Variants in KCNH5 observed in about 807,000 individuals in gnomAD.
KCNH5 encodes voltage-gated delayed rectifier potassium channel KCNH5.
A neutral mutation model predicts 96.1 loss-of-function variants in KCNH5; 46 were observed. The ratio of observed to expected loss-of-function variants is 0.48; its 90% confidence interval spans 0.38 to 0.61. KCNH5 has a LOEUF of 0.61. Among genes scored for constraint, KCNH5 ranks in the 20% least tolerant of loss-of-function variants. The pLI, the probability that KCNH5 is intolerant of heterozygous loss-of-function variation, is 0.00. For synonymous variants in KCNH5, 439 were observed against 449.8 expected (o/e 0.98, Z 0.30); for missense variants, 907 against 1,225.8 (o/e 0.74, Z 3.88).
At chr14:62,923,824 T>C (rs1197484978) in intron 7 of KCNH5, among the ~76,000 whole-genome samples, 1 of 151,938 alleles carries the variant, frequency 6.6e-6, no homozygotes, top group African/African-American at 2.4e-5. Flanking sequence ...CCACTCAAAA[T>C]GGATTAAATA....
At chr14:62,829,483 T>C (rs556159119) in intron 8 of KCNH5, among the ~76,000 whole-genome samples, 62 of 152,344 alleles carry the variant, frequency 4.1e-4, no homozygotes, top group African/African-American at 1.5e-3. Flanking sequence ...TTGTCTTATG[T>C]GCACCCACAG....
At chr14:63,023,060 G>A (rs866879057) in intron 1 of KCNH5, among the ~76,000 whole-genome samples, 24 of 151,888 alleles carry the variant, frequency 1.6e-4, no homozygotes, top group East Asian at 1.2e-3. Context: ...AAAATTAGCC[G>A]GGCATAATGA....
intron 7 of KCNH5, among the ~76,000 whole-genome samples, chr14:62,859,167 AAG>A (rs1887985904): frequency 6.6e-6 from 1 of 152,130 alleles, no homozygotes; most frequent in Admixed American, 6.5e-5. Context: ...TCCATGATGG[AAG>A]AGTTCCAATA....
intron 6 of KCNH5, among the ~76,000 whole-genome samples, chr14:62,961,994 CAGATGG>C: frequency 7.3e-6 from 1 of 136,286 alleles, no homozygotes; most frequent in Admixed American, 7.3e-5. Flanking sequence ...GATGCAGATG[CAGATGG>C]AGATGCAGAT....
chr14:62,888,829 GA>G (rs541785549), intron 7 of KCNH5, among the ~76,000 whole-genome samples: 72 of 152,232 alleles, frequency 4.7e-4, no homozygotes, highest in African/African-American at 1.7e-3. Context: ...TAATATCACA[GA>G]AAAGGTCACT....
chr14:62,937,113 G>A (rs778990187), intron 7 of KCNH5, among the ~76,000 whole-genome samples: 1 of 151,930 alleles, frequency 6.6e-6, no homozygotes, highest in African/African-American at 2.4e-5. Context: ...TGCTAGAATC[G>A]TATATGTGAC....
chr14:62,768,815 A>G (rs552349296), intron 10 of KCNH5, among the ~76,000 whole-genome samples: 1 of 152,314 alleles, frequency 6.6e-6, no homozygotes, highest in African/African-American at 2.4e-5. Context: ...TCCAGCCCCA[A>G]CTTTGAAACT....
At chr14:62,939,460 T>TTTCTG (rs1363376914) in intron 7 of KCNH5, among the ~76,000 whole-genome samples, 1 of 152,140 alleles carries the variant, frequency 6.6e-6, no homozygotes, top group Non-Finnish European at 1.5e-5. Context: ...AACATTTCCA[T>TTTCTG]CAGAATAACC....
intron 6 of KCNH5, among the ~76,000 whole-genome samples, chr14:62,962,369 G>A (rs1433586198): frequency 6.6e-6 from 1 of 152,098 alleles, no homozygotes; most frequent in African/African-American, 2.4e-5. Context: ...CACTATCTCT[G>A]ATGCAATAGC....
intron 1 of KCNH5, among the ~76,000 whole-genome samples, chr14:63,028,866 A>C (rs545278835): frequency 4.6e-4 from 70 of 152,292 alleles, no homozygotes; most frequent in African/African-American, 1.6e-3. Flanking sequence ...TATACCCTAA[A>C]GTATTTGCTC....
chr14:62,979,719 C>T (rs1433037162), intron 6 of KCNH5, among the ~76,000 whole-genome samples: 1 of 152,054 alleles, frequency 6.6e-6, no homozygotes, highest in Non-Finnish European at 1.5e-5. Flanking sequence ...ATTGAAATTA[C>T]TGGTTGTATC....
At chr14:62,789,883 T>TGTA (rs1415749351) in intron 9 of KCNH5, among the ~76,000 whole-genome samples, 2 of 151,970 alleles carry the variant, frequency 1.3e-5, no homozygotes, top group African/African-American at 4.8e-5. Flanking sequence ...TTTCCCTTGC[T>TGTA]GTACAGAAAC....
chr14:63,027,938 T>A (rs141228377), intron 1 of KCNH5, among the ~76,000 whole-genome samples: 1 of 151,970 alleles, frequency 6.6e-6, no homozygotes, highest in Non-Finnish European at 1.5e-5. Flanking sequence ...ATTGAAAAAA[T>A]TTCTCAGACT....
At chr14:62,826,386 G>GT (rs1007328643) in intron 8 of KCNH5, among the ~76,000 whole-genome samples, 5 of 139,050 alleles carry the variant, frequency 3.6e-5, no homozygotes, top group African/African-American at 1.4e-4. Context: ...GAGATTTTGT[G>GT]TGTGTGTGTG....
intron 10 of KCNH5, among the ~76,000 whole-genome samples, chr14:62,771,493 C>T (rs1006943830): frequency 6.6e-6 from 1 of 152,146 alleles, no homozygotes; most frequent in Non-Finnish European, 1.5e-5. Context: ...GGCATGGTGG[C>T]AGGCGCCTGT....
chr14:62,790,918 A>C (rs1161901436), intron 9 of KCNH5, among the ~76,000 whole-genome samples: 1 of 151,844 alleles, frequency 6.6e-6, no homozygotes, highest in Non-Finnish European at 1.5e-5. Flanking sequence ...GTCATCTACA[A>C]ACAGAGATAA....
chr14:62,908,062 T>C (rs139977529), intron 7 of KCNH5, among the ~76,000 whole-genome samples: 85 of 152,342 alleles, frequency 5.6e-4, no homozygotes, highest in African/African-American at 1.8e-3. Flanking sequence ...CATAATTATG[T>C]ATACATACTA....
At chr14:62,991,214 A>C (rs982352059) in intron 4 of KCNH5, among the ~76,000 whole-genome samples, 4 of 152,108 alleles carry the variant, frequency 2.6e-5, no homozygotes, top group Non-Finnish European at 4.4e-5. Flanking sequence ...CAGCATCTGC[A>C]TTATATGTAA....
chr14:62,739,310 A>AC (rs2139932963), intron 10 of KCNH5, among the ~76,000 whole-genome samples: 1 of 152,266 alleles, frequency 6.6e-6, no homozygotes, highest in Non-Finnish European at 1.5e-5. Flanking sequence ...TCTTAAAAGG[A>AC]CCCATTGTCC....
Sources: gnomAD v4.1 joint callset for allele counts (sites outside exome capture counted in the v4.1 genomes callset) on GRCh38, gnomAD v4.1.1 for gene constraint, MANE v1.5 for transcripts, NCBI Gene and HGNC (gene_info 2026-07-23, HGNC 2026-07-21) for gene names.